The following IKBKB variants were observed in gnomAD, a reference collection of about 807,000 sequenced individuals.
IKBKB encodes the protein inhibitor of nuclear factor kappa B kinase subunit beta.
Under a neutral mutation model 113.6 loss-of-function variants are expected in IKBKB, and 42 were observed. The ratio of observed to expected loss-of-function variants is 0.37; its 90% CI spans 0.29 to 0.48. The LOEUF is 0.48. Among genes scored for constraint, IKBKB ranks in the 20% least tolerant of loss-of-function variants. The pLI, the probability that IKBKB is intolerant of heterozygous loss-of-function variation, is 0.99. For missense variants in IKBKB, 673 were observed against 939.7 expected (o/e 0.72, Z 3.71); for synonymous variants, 296 against 361.3 (o/e 0.82, Z 2.05).
At chr8:42,323,805 A>G (rs1257773310) in intron 19 of IKBKB, among the ~76,000 whole-genome samples, 1 of 152,142 alleles carries the variant, frequency 6.6e-6, no homozygotes, top group Non-Finnish European at 1.5e-5. Context: ...GAGGAGAGGG[A>G]GGTGCAGGTA....
chr8:42,320,792 G>A lies in IKBKB; in HGVS notation c.1636G>A (p.Asp546Asn), dbSNP rs767021770. Residue 546 changes from aspartate to asparagine, a missense_variant, in exon 16 of 22, where the codon GAC becomes AAC. Transcript: ENST00000520810. ...GATGGCTCTGCAGACCGACATTGTG[G>A]ACTTACAGAGGAGCCCCATGGGCCG... The part of the protein sequence containing the change: ...RMMALQTDIV[D>N]LQRSPMGRKQ... 6.2e-7 allele frequency: 1 copy of A among 1,609,894 alleles called. No homozygotes were observed. The highest frequency in any genetic ancestry group is 8.5e-7 in the Non-Finnish European group (1 of 1,177,966).
chr8:42,296,406 C>A (rs1813814631), intron 5 of IKBKB, among the ~76,000 whole-genome samples: 2 of 152,168 alleles, frequency 1.3e-5, no homozygotes, highest in African/African-American at 4.8e-5. Flanking sequence ...CCGAGGTGGG[C>A]AGATCACGAG....
intron 2 of IKBKB, among the ~76,000 whole-genome samples, chr8:42,288,153 G>A (rs1253440750): frequency 3.3e-5 from 5 of 152,034 alleles, no homozygotes; most frequent in African/African-American, 4.8e-5. Context: ...TTGAGAGTGC[G>A]AGGCGGGCAG....
At chr8:42,322,005 A>G in intron 17 of IKBKB, 49 bp from the exon 18 acceptor site, 1 of 1,604,880 alleles carries the variant, frequency 6.2e-7, no homozygotes, top group Non-Finnish European at 8.5e-7. Flanking sequence ...GGGCATCACT[A>G]CTCTCTGCTG....
At chr8:42,302,198 A>G (rs938748993) in intron 5 of IKBKB, among the ~76,000 whole-genome samples, 9 of 152,212 alleles carry the variant, frequency 5.9e-5, no homozygotes, top group Non-Finnish European at 1.2e-4. Flanking sequence ...TTAATTTATT[A>G]TGCTTTTTCA....
At chr8:42,317,153 G>A (rs1818848057) in intron 11 of IKBKB, 2 of 524,454 alleles carry the variant, frequency 3.8e-6, no homozygotes, top group African/African-American at 2.0e-5. Context: ...TGCAAAAAAT[G>A]ATGCTATAAC....
intron 20 of IKBKB, among the ~76,000 whole-genome samples, chr8:42,327,330 C>CT (rs397767670): frequency 0.65 from 68,177 of 105,446 alleles, 25,240 homozygotes; most frequent in Admixed American, 0.78. Flanking sequence ...CTCTCTCTCT[C>CT]TTTTTTTTTT....
intron 19 of IKBKB, among the ~76,000 whole-genome samples, chr8:42,322,879 T>C (rs528244243): frequency 5.1e-4 from 77 of 152,214 alleles, no homozygotes; most frequent in Admixed American, 1.2e-3. Flanking sequence ...ATCATGCCAC[T>C]GCACTCCAAC....
intron 6 of IKBKB, 97 bp downstream of exon 6, chr8:42,305,372 C>G: frequency 1.4e-6 from 1 of 730,484 alleles, no homozygotes; most frequent in East Asian, 2.6e-5. Flanking sequence ...TGTGTATTTG[C>G]ATTTCCTTGC....
Position 42,282,159 on chromosome 8 carries a change from A to ATACAGACCAGTTTT in IKBKB, c.106-6473_106-6460dup, listed in dbSNP as rs555693938. 3.6e-4 allele frequency among the ~76,000 whole-genome samples: 55 copies of ATACAGACCAGTTTT among 152,292 alleles called. No individual in the cohort carries two copies. In the East Asian group the frequency reaches 9.6e-3, roughly 27 times the overall value. The stretch of plus-strand genomic sequence containing the variant: ...GGGACCCTTTCTCCGTTTTCTCAAA[A>ATACAGACCAGTTTT]TACAGACCAGTTTTTTGTTGTTTTG... On this transcript the variant is annotated intron_variant, in intron 2 of 21. Coordinates refer to ENST00000520810, the MANE Select transcript of IKBKB (RefSeq NM_001556.3).
chr8:42,289,618 C>G (rs766732633), intron 3 of IKBKB, among the ~76,000 whole-genome samples: 1 of 152,172 alleles, frequency 6.6e-6, no homozygotes, highest in African/African-American at 2.4e-5. Context: ...AGGGGCTCCT[C>G]TGCCAGCCTC....
intron 18 of IKBKB, 65 bp downstream of exon 18, chr8:42,322,218 C>T (rs1175495271): frequency 7.7e-6 from 12 of 1,552,352 alleles, no homozygotes; most frequent in Non-Finnish European, 1.1e-5. Flanking sequence ...GGTCACCTTC[C>T]TCCCTCCTCT....
rs182540343 is a variant in IKBKB at position 42,320,523 on chromosome 8, T to C, written c.1579-212T>C. 1.4e-4 allele frequency: 70 copies of C among 497,462 alleles called. 1 individual carries two copies. Among genetic ancestry groups the C allele is most frequent in the African/African-American group, 1.3e-3 (62 of 49,210 alleles). The allele number at this position is 497,462 out of a possible 1,614,324, so 30.8% of individuals were successfully genotyped here. ...TGCAAAAGGAAACTGTAGCTGGGGG[T>C]AAGTAACTTGCCAAGGGGTCACACA... is the stretch of plus-strand genomic sequence containing the variant. On this transcript the variant is annotated intron_variant, in intron 15 of 21. Transcript: ENST00000520810.
chr8:42,271,825 G>C, intron 1 of IKBKB: 1 of 550,284 alleles, frequency 1.8e-6, no homozygotes, highest in East Asian at 3.2e-5. Flanking sequence ...TAGGGCAAGG[G>C]CGTGGGCATC....
At chr8:42,314,629 G>C (rs1818332041) in intron 9 of IKBKB, among the ~76,000 whole-genome samples, 200 bp downstream of exon 9, 1 of 151,910 alleles carries the variant, frequency 6.6e-6, no homozygotes, top group Non-Finnish European at 1.5e-5. Flanking sequence ...GCAAAAATTA[G>C]CCAGGAGTGG....
chr8:42,287,047 C>T (rs1163394648), intron 2 of IKBKB, among the ~76,000 whole-genome samples: 1 of 152,160 alleles, frequency 6.6e-6, no homozygotes, highest in African/African-American at 2.4e-5. Flanking sequence ...AGCTGCTGCC[C>T]CGCAGTTGTC....
intron 2 of IKBKB, among the ~76,000 whole-genome samples, chr8:42,277,565 C>T (rs1400415093): frequency 1.3e-5 from 2 of 152,220 alleles, no homozygotes; most frequent in Non-Finnish European, 2.9e-5. Flanking sequence ...TCTGCACCTG[C>T]CTCTCCATCA....
chr8:42,275,323 G>T (rs1244912949), intron 2 of IKBKB, among the ~76,000 whole-genome samples: 1 of 151,532 alleles, frequency 6.6e-6, no homozygotes, highest in East Asian at 1.9e-4. Flanking sequence ...GAGTAGCTGG[G>T]ACTACAGGTG....
intron 11 of IKBKB, 76 bp from the exon 12 acceptor site, chr8:42,317,581 G>A: frequency 1.0e-6 from 1 of 966,988 alleles, no homozygotes; most frequent in Non-Finnish European, 1.7e-6. Flanking sequence ...GGGGAAAGCT[G>A]TGGAACTTCT....
Sources: allele counts gnomAD v4.1 joint callset (sites outside exome capture counted in the v4.1 genomes callset), GRCh38; gene constraint gnomAD v4.1.1; transcripts MANE v1.5; gene names NCBI Gene and HGNC (gene_info 2026-07-23, HGNC 2026-07-21).